The following MTMR7 variants were observed in gnomAD, a reference collection of about 807,000 sequenced individuals.
MTMR7 encodes myotubularin related protein 7, also known as phosphatidylinositol-3-phosphate phosphatase MTMR7.
Under a neutral mutation model 81.2 loss-of-function variants are expected in MTMR7, and 76 were observed. The ratio of observed to expected loss-of-function variants is 0.94; its 90% CI spans 0.78 to 1.13. The LOEUF is 1.13. MTMR7 is among the 50% of genes most tolerant of loss of function. MTMR7 has a pLI of 0.00. For missense variants in MTMR7, 1,044 were observed against 820.0 expected (o/e 1.27, Z -3.34); for synonymous variants, 372 against 289.8 (o/e 1.28, Z -2.88).
chr8:17,313,173 G>T, intron 8 of MTMR7, 119 bp downstream of exon 8: 1 of 628,854 alleles, frequency 1.6e-6, no homozygotes, highest in Non-Finnish European at 2.7e-6. Context: ...CTACAAAGCT[G>T]GCTATCCAGT....
At chr8:17,308,827 C>G (rs1327274453) in intron 10 of MTMR7, among the ~76,000 whole-genome samples, 1 of 152,148 alleles carries the variant, frequency 6.6e-6, no homozygotes, top group Admixed American at 6.5e-5. Context: ...GGTTCTGAAG[C>G]CTTCATCACC....
intron 1 of MTMR7, among the ~76,000 whole-genome samples, chr8:17,408,325 C>G (rs1313831030): frequency 1.7e-5 from 1 of 58,530 alleles, no homozygotes; most frequent in African/African-American, 3.4e-5. Context: ...GGAGGCGGAG[C>G]TTGCAGTGAG....
chr8:17,320,032 T>C (rs976063521), intron 7 of MTMR7, among the ~76,000 whole-genome samples: 17 of 152,094 alleles, frequency 1.1e-4, no homozygotes, highest in African/African-American at 4.1e-4. Context: ...ACACAAAAAA[T>C]GCAAAAACAC....
chr8:17,364,021 A>ATTTTTTTTT, intron 3 of MTMR7, among the ~76,000 whole-genome samples: 1 of 71,044 alleles, frequency 1.4e-5, no homozygotes, highest in Admixed American at 1.8e-4. Flanking sequence ...TGTTGCTATT[A>ATTTTTTTTT]TTTTTTTTTT....
intron 5 of MTMR7, among the ~76,000 whole-genome samples, chr8:17,343,062 C>G (rs1169621990): frequency 6.6e-6 from 1 of 152,134 alleles, no homozygotes; most frequent in Non-Finnish European, 1.5e-5. Context: ...CTGCCACCTG[C>G]TCAGAGGGAA....
intron 1 of MTMR7, among the ~76,000 whole-genome samples, chr8:17,397,802 G>C (rs1332717313): frequency 6.6e-6 from 1 of 152,146 alleles, no homozygotes; most frequent in Admixed American, 6.5e-5. Flanking sequence ...GTCTGACCCA[G>C]TGTAGTCCCA....
At chr8:17,389,675 T>C (rs1453388943) in intron 1 of MTMR7, among the ~76,000 whole-genome samples, 1 of 152,226 alleles carries the variant, frequency 6.6e-6, no homozygotes, top group African/African-American at 2.4e-5. Flanking sequence ...GCTTTATTAT[T>C]GAATTTGACT....
In MTMR7 at chr8:17,302,009, A is replaced by C. The variant is rs1056900624; in HGVS notation, c.1620+145T>G. On this transcript the variant is annotated intron_variant, in intron 13 of 13. Transcript: ENST00000180173. ...TTGGGCTTCGGTTATCTGAGTCCTG[A>C]CCTGGATGGGGTTGTGTTTCAGGTG... The C allele has an allele frequency of 3.0e-5, 32 of 1,062,428 alleles. No individual in the cohort carries two copies. The Admixed American group carries it at 6.9e-4, about 23-fold the overall frequency. The allele number at this position is 1,062,428 out of a possible 1,614,324, so 65.8% of individuals were successfully genotyped here.
intron 1 of MTMR7, among the ~76,000 whole-genome samples, chr8:17,406,168 C>A (rs1411552472): frequency 6.6e-6 from 1 of 151,972 alleles, no homozygotes; most frequent in East Asian, 1.9e-4. Context: ...CATCAAAATT[C>A]AAAACTTCTT....
chr8:17,399,383 T>G, intron 1 of MTMR7, among the ~76,000 whole-genome samples: 1 of 152,110 alleles, frequency 6.6e-6, no homozygotes, highest in Non-Finnish European at 1.5e-5. Context: ...CTATTTATAA[T>G]AGCTACAAAT....
At chr8:17,376,497 T>G (rs1820593186) in intron 1 of MTMR7, among the ~76,000 whole-genome samples, 1 of 152,188 alleles carries the variant, frequency 6.6e-6, no homozygotes, top group African/African-American at 2.4e-5. Flanking sequence ...ATAGTAAGGC[T>G]TTTGAAGAGC....
rs747980909 is a variant in MTMR7, at chr8:17,341,438, G to A, written c.657C>T (p.Asp219=). The A allele has an allele frequency of 7.9e-5, 128 of 1,614,026 alleles. No homozygotes were observed. The highest frequency in any genetic ancestry group is 1.0e-4 in the Non-Finnish European group (118 of 1,180,030). The change falls in exon 6 of 14, where the codon GAC becomes GAT. Residue 219 remains aspartate, a synonymous_variant. Transcript: ENST00000180173. Reference sequence around the variant, plus strand: ...TCCTAATGGCCTGGAGCATCTGCTCGTCCTCTAGGCACCGGGCACTGAAGC... The same window carrying A: ...TCCTAATGGCCTGGAGCATCTGCTCATCCTCTAGGCACCGGGCACTGAAGC... ...LSGFSARCLE[D]EQMLQAIRKA...
At chr8:17,316,319 A>C (rs979455771) in intron 7 of MTMR7, among the ~76,000 whole-genome samples, 13 of 151,954 alleles carry the variant, frequency 8.6e-5, no homozygotes, top group Admixed American at 8.5e-4. Flanking sequence ...TTTTTATCCA[A>C]CTTTTTTTAG....
At chr8:17,304,315 A>G (rs1817310736) in intron 12 of MTMR7, 64 bp downstream of exon 12, 1 of 1,566,508 alleles carries the variant, frequency 6.4e-7, no homozygotes, top group East Asian at 2.3e-5. Flanking sequence ...TGACCTCTGA[A>G]TGTTAAACGG....
intron 3 of MTMR7, among the ~76,000 whole-genome samples, chr8:17,365,653 A>C (rs1820203724): frequency 6.6e-6 from 1 of 152,204 alleles, no homozygotes; most frequent in African/African-American, 2.4e-5. Flanking sequence ...ATAAGAAGCA[A>C]ATACTCAAAA....
At chr8:17,366,366 G>A (rs2150561229) in intron 3 of MTMR7, among the ~76,000 whole-genome samples, 1 of 152,062 alleles carries the variant, frequency 6.6e-6, no homozygotes, top group South Asian at 2.1e-4. Flanking sequence ...CAGACTAACT[G>A]GGAGAAGCAA....
At chr8:17,354,684 G>A (rs1013744221) in intron 4 of MTMR7, among the ~76,000 whole-genome samples, 1 of 152,176 alleles carries the variant, frequency 6.6e-6, no homozygotes, top group African/African-American at 2.4e-5. Flanking sequence ...CAAAGGATTT[G>A]TGAGAAGAAA....
In MTMR7 at chr8:17,318,976, G is replaced by T. The variant is rs1440835174; in HGVS notation, c.866-5575C>A. On this transcript the variant is annotated intron_variant, in intron 7 of 13. Coordinates refer to ENST00000180173, the MANE Select transcript of MTMR7 (RefSeq NM_004686.5). ...TCCTGCTTCCCTGATCGAACTCACCGACACTTCCAAATGTTTTTAACAGCA... is the reference window on the plus strand; with the variant it reads ...TCCTGCTTCCCTGATCGAACTCACCTACACTTCCAAATGTTTTTAACAGCA... Among the ~76,000 whole-genome samples, 2 of 152,192 alleles carry T rather than the reference G, an allele frequency of 1.3e-5. 1 individual carries two copies. The highest frequency in any genetic ancestry group is 4.1e-4 in the South Asian group (2 of 4,832).
intron 7 of MTMR7, among the ~76,000 whole-genome samples, chr8:17,316,398 ATTAT>A (rs1315121016): frequency 6.6e-6 from 1 of 151,664 alleles, no homozygotes; most frequent in Non-Finnish European, 1.5e-5. Flanking sequence ...TATATCTTAA[ATTAT>A]TTATCCATCC....
Sources: gnomAD v4.1 joint callset for allele counts (sites outside exome capture counted in the v4.1 genomes callset) on GRCh38, gnomAD v4.1.1 for gene constraint, MANE v1.5 for transcripts, NCBI Gene and HGNC (gene_info 2026-07-23, HGNC 2026-07-21) for gene names.